SLC36A1: variants seen among roughly 807,000 people sequenced by gnomAD.
SLC36A1 encodes the protein solute carrier family 36 member 1.
Under a neutral mutation model 47.5 loss-of-function variants are expected in SLC36A1, and 30 were observed. The observed-to-expected ratio is 0.63, with a 90% confidence interval of 0.47 to 0.86. The LOEUF is 0.86. Ranked by LOEUF, SLC36A1 falls within the 40% of genes least tolerant of loss-of-function variation. The pLI is 0.00. For missense variants in SLC36A1, 517 were observed against 606.0 expected, an observed-to-expected ratio of 0.85 and a Z score of 1.54; for synonymous variants, 255 against 249.7, an observed-to-expected ratio of 1.02 and a Z score of -0.20.
At chr5:151,446,975 C>A (rs2127444900), upstream of SLC36A1, among the ~76,000 whole-genome samples, 1 of 152,246 alleles carries the variant, frequency 6.6e-6, no homozygotes, top group East Asian at 1.9e-4. Context: ...ACAGTTGTGT[C>A]TTCTTGATGA....
intron 10 of SLC36A1, chr5:151,480,169 G>T: frequency 9.9e-7 from 1 of 1,014,092 alleles, no homozygotes; most frequent in Non-Finnish European, 1.4e-6. Context: ...GTAGACTAGA[G>T]AACCCCTGAG....
chr5:151,411,564 A>G, the SLC36A1 span, among the ~76,000 whole-genome samples: 8 of 145,014 alleles, frequency 5.5e-5, 1 homozygote, highest in African/African-American at 2.0e-4. Context: ...AGAGAGAGGT[A>G]TAAAGCCAAT....
At chr5:151,414,191 G>A in the SLC36A1 span, among the ~76,000 whole-genome samples, 1 of 152,178 alleles carries the variant, frequency 6.6e-6, no homozygotes, top group Non-Finnish European at 1.5e-5. Flanking sequence ...ATAAGGTAGT[G>A]ATTCCGCTGT....
the SLC36A1 span, among the ~76,000 whole-genome samples, chr5:151,370,835 A>G: frequency 1.3e-5 from 2 of 152,130 alleles, no homozygotes; most frequent in Non-Finnish European, 2.9e-5. Flanking sequence ...TCTACTAAAA[A>G]TACAAAAATT....
the SLC36A1 span, among the ~76,000 whole-genome samples, chr5:151,425,671 CA>C: frequency 6.6e-5 from 10 of 151,982 alleles, no homozygotes; most frequent in Admixed American, 2.0e-4. Flanking sequence ...CATCGTGTCC[CA>C]AGTCTGTATT....
At chr5:151,353,402 G>T in the SLC36A1 span, among the ~76,000 whole-genome samples, 3 of 152,172 alleles carry the variant, frequency 2.0e-5, no homozygotes, top group Admixed American at 2.0e-4. Flanking sequence ...TTAAAAATAA[G>T]TGATAGACTA....
chr5:151,385,889 T>G, the SLC36A1 span, among the ~76,000 whole-genome samples: 2 of 101,618 alleles, frequency 2.0e-5, no homozygotes, highest in Non-Finnish European at 4.1e-5. Context: ...TTTTTTTTTT[T>G]GAGACAGAGT....
At position 151,467,757 on chromosome 5, in the gene SLC36A1, G is replaced by A. The variant is rs528076000; in HGVS notation, c.555G>A (p.Thr185=). Residue 185 remains threonine (T), a synonymous_variant, in exon 7 of 11, where the codon ACG becomes ACA. Coordinates refer to ENST00000243389, the MANE Select transcript of SLC36A1 (RefSeq NM_078483.4). The part of the protein sequence containing the change: ...GTTNNCHNNE[T]VILTPTMDSR... Reference sequence around the variant, plus strand: ...CCAATAACTGCCACAACAATGAGACGGTGATTCTGACGCCTACCATGGACT... The same window carrying A: ...CCAATAACTGCCACAACAATGAGACAGTGATTCTGACGCCTACCATGGACT... 13 of 1,613,996 alleles carry A rather than the reference G, an allele frequency of 8.1e-6. No homozygotes were observed. Among genetic ancestry groups the A allele is most frequent in the East Asian group, 2.2e-5 (1 of 44,856 alleles).
chr5:151,487,617 G>A (rs368638730), intron 10 of SLC36A1, among the ~76,000 whole-genome samples: 10 of 152,226 alleles, frequency 6.6e-5, no homozygotes, highest in South Asian at 6.2e-4. Context: ...GCTCAGGAAC[G>A]TCCACCTCCT....
At chr5:151,537,720 A>C in the SLC36A1 span, 1 of 1,433,686 alleles carries the variant, frequency 7.0e-7, no homozygotes, top group Non-Finnish European at 9.5e-7. Context: ...CTCCAAGGAG[A>C]ATACCATGGC....
the SLC36A1 span, among the ~76,000 whole-genome samples, chr5:151,500,588 G>A: frequency 2.6e-5 from 4 of 152,176 alleles, no homozygotes; most frequent in Non-Finnish European, 5.9e-5. Flanking sequence ...GGTTGGTCTC[G>A]AACTCCTGAC....
At chr5:151,476,563 C>G in intron 8 of SLC36A1, 27 bp from the exon 9 acceptor site, 2 of 1,386,726 alleles carry the variant, frequency 1.4e-6, no homozygotes, top group Non-Finnish European at 1.9e-6. Flanking sequence ...TCTGCACTTT[C>G]TCTCCTCTCT....
chr5:151,487,655 G>A (rs1017038449), intron 10 of SLC36A1, among the ~76,000 whole-genome samples: 7 of 152,062 alleles, frequency 4.6e-5, no homozygotes, highest in Non-Finnish European at 1.0e-4. Context: ...CCCTCCTTGG[G>A]TAGAAACCAG....
At chr5:151,350,709 G>A in the SLC36A1 span, among the ~76,000 whole-genome samples, 11 of 152,128 alleles carry the variant, frequency 7.2e-5, no homozygotes, top group Admixed American at 6.6e-4. Flanking sequence ...GGGGTTTTTT[G>A]TGGCTTTTTT....
At chr5:151,371,123 G>A in the SLC36A1 span, among the ~76,000 whole-genome samples, 1 of 152,042 alleles carries the variant, frequency 6.6e-6, no homozygotes, top group Non-Finnish European at 1.5e-5. Context: ...CAATCAAAAA[G>A]TGTCTCCAGA....
the SLC36A1 span, among the ~76,000 whole-genome samples, chr5:151,385,136 T>C: frequency 6.6e-6 from 1 of 152,034 alleles, no homozygotes; most frequent in Non-Finnish European, 1.5e-5. Flanking sequence ...GGTTGCAAAT[T>C]GGCCACCTGA....
rs1376323274 is a variant in SLC36A1, at chr5:151,490,178, T to C, written c.*1924T>C. ...GAGAAGGACGATTTTCACCCACCCTTTCTGTTCTATGGTGGACTCTTAACA... is the reference window on the plus strand; with the variant it reads ...GAGAAGGACGATTTTCACCCACCCTCTCTGTTCTATGGTGGACTCTTAACA... On this transcript the variant is annotated 3_prime_UTR_variant, in exon 11 of 11. Coordinates refer to ENST00000243389, the MANE Select transcript of SLC36A1 (RefSeq NM_078483.4). The C allele has an allele frequency of 2.0e-5, 3 of 152,194 alleles. No individual in the cohort carries two copies. The highest frequency in any genetic ancestry group is 2.9e-5 in the Non-Finnish European group (2 of 68,042). 9.4% of individuals were successfully genotyped at this position (152,194 alleles called of 1,614,324 possible).
intron 10 of SLC36A1, among the ~76,000 whole-genome samples, chr5:151,486,718 G>A (rs1340062289): frequency 6.6e-6 from 1 of 152,180 alleles, no homozygotes; most frequent in Non-Finnish European, 1.5e-5. Flanking sequence ...GAATCAATGA[G>A]GTAGTAGATA....
the SLC36A1 span, chr5:151,554,461 A>G: frequency 2.0e-4 from 320 of 1,614,184 alleles, 1 homozygote; most frequent in African/African-American, 3.9e-3. Flanking sequence ...TGTCCTCGAT[A>G]CTGTAGGTGA....
Sources: gnomAD v4.1 joint callset for allele counts (sites outside exome capture counted in the v4.1 genomes callset) on GRCh38, gnomAD v4.1.1 for gene constraint, MANE v1.5 for transcripts, NCBI Gene and HGNC (gene_info 2026-07-23, HGNC 2026-07-21) for gene names.